The following TRAF2 variants were observed in gnomAD, a reference collection of about 807,000 sequenced individuals.
The protein encoded by TRAF2 is TNF receptor-associated factor 2.
In TRAF2, 6 loss-of-function variants were observed where a neutral mutation model predicts 55.6. That is an observed-to-expected ratio of 0.11 (90% confidence interval 0.06 to 0.21). TRAF2 has a LOEUF of 0.21. Ranked by LOEUF, TRAF2 falls within the 10% of genes least tolerant of loss-of-function variation. The probability of loss-of-function intolerance (pLI) is 1.00; values close to 1 mark genes in which losing one functional copy is unlikely to be tolerated. For synonymous variants in TRAF2, 329 were observed against 276.3 expected (o/e 1.19, Z -1.89); for missense variants, 561 against 684.5 (o/e 0.82, Z 2.01).
At chr9:136,921,901 A>G (rs1157810434) in intron 9 of TRAF2, among the ~76,000 whole-genome samples, 2 of 152,152 alleles carry the variant, frequency 1.3e-5, no homozygotes, top group Non-Finnish European at 2.9e-5. Context: ...GGCCCCAGCC[A>G]TCATCTCGGC....
intron 4 of TRAF2, chr9:136,900,768 CTG>C (rs968054193): frequency 1.9e-5 from 9 of 474,228 alleles, no homozygotes; most frequent in African/African-American, 1.6e-4. Context: ...TTTACCCTCT[CTG>C]TGCCTCAGGT....
upstream of TRAF2, among the ~76,000 whole-genome samples, chr9:136,884,943 G>A (rs574584546): frequency 6.6e-6 from 1 of 152,348 alleles, no homozygotes; most frequent in Non-Finnish European, 1.5e-5. Flanking sequence ...GCCTTCTTAC[G>A]TTTGAGAGCT....
At chr9:136,894,950 C>T (rs1849650737) in intron 1 of TRAF2, among the ~76,000 whole-genome samples, 1 of 152,172 alleles carries the variant, frequency 6.6e-6, no homozygotes. Flanking sequence ...GAATAGACAG[C>T]GTACTCCAGC....
At position 136,924,073 on chromosome 9, in the gene TRAF2, C is replaced by T; in HGVS notation, c.1287+73C>T. 4 of 1,562,862 alleles carry T rather than the reference C, an allele frequency of 2.6e-6. No homozygotes were observed. In the African/African-American group the frequency reaches 4.0e-5, roughly 16 times the overall value. ...TCTGGGCAGTGCAGCTTCTGTGGTGCAGGGTTGTGCGGGACAAGGTGGCTT... is the reference window on the plus strand; with the variant it reads ...TCTGGGCAGTGCAGCTTCTGTGGTGTAGGGTTGTGCGGGACAAGGTGGCTT... On this transcript the variant is annotated intron_variant, in intron 10 of 10. Coordinates refer to ENST00000247668, the MANE Select transcript of TRAF2 (RefSeq NM_021138.4).
rs758421326 is a variant in TRAF2 at position 136,925,943 on chromosome 9, C to T, written c.*42C>T. 7 of 1,608,824 alleles carry T rather than the reference C, an allele frequency of 4.4e-6. No individual in the cohort carries two copies. In the Admixed American group the frequency reaches 5.0e-5, roughly 12 times the overall value. ...TCTGGGGGTTGGGGGCAGCCAGGCA[C>T]AGCCGGCTCACGGAGGGGCCACCAC... On this transcript the variant is annotated 3_prime_UTR_variant, in exon 11 of 11. Coordinates refer to ENST00000247668, the MANE Select transcript of TRAF2 (RefSeq NM_021138.4).
chr9:136,916,142 TCG>T (rs919788568), intron 6 of TRAF2, among the ~76,000 whole-genome samples: 2 of 152,216 alleles, frequency 1.3e-5, no homozygotes, highest in African/African-American at 4.8e-5. Flanking sequence ...TTGCTTCATG[TCG>T]TGTCTGTGTC....
chr9:136,890,568 G>A (rs1218401656), intron 1 of TRAF2: 4 of 152,190 alleles, frequency 2.6e-5, no homozygotes, highest in African/African-American at 9.7e-5. Flanking sequence ...AGTGGAAGTC[G>A]GATTCCAACA....
intron 8 of TRAF2, 34 bp from the exon 9 acceptor site, chr9:136,921,004 C>T (rs1401525002): frequency 2.5e-6 from 4 of 1,610,122 alleles, no homozygotes; most frequent in Non-Finnish European, 3.4e-6. Flanking sequence ...CGCACCCCTC[C>T]TGTAAGAGGG....
intron 1 of TRAF2, among the ~76,000 whole-genome samples, chr9:136,889,297 T>A (rs1849526045): frequency 6.6e-6 from 1 of 151,884 alleles, no homozygotes; most frequent in South Asian, 2.1e-4. Context: ...TTTTTTCTTT[T>A]TTTGAGACAG....
rs17244068 is a variant in TRAF2 at position 136,913,845 on chromosome 9, C to T, written c.604-2696C>T. Among the ~76,000 whole-genome samples, 1,292 of 152,222 alleles carry T rather than the reference C, an allele frequency of 8.5e-3. 25 individuals carry two copies. Among genetic ancestry groups the T allele is most frequent in the African/African-American group, 0.03 (1,227 of 41,526 alleles). ...TTGCTGGTTTTGCTGGAGCCTTTCT[C>T]GGTGACCATGCTCCCAGGGCTTGGT... On this transcript the variant is annotated intron_variant, in intron 6 of 10. Coordinates refer to ENST00000247668, the MANE Select transcript of TRAF2 (RefSeq NM_021138.4).
chr9:136,924,489 T>C (rs1850472964), intron 10 of TRAF2, among the ~76,000 whole-genome samples: 1 of 151,722 alleles, frequency 6.6e-6, no homozygotes, highest in South Asian at 2.1e-4. Context: ...TTGAGCCCAG[T>C]AGGTTGAGGC....
intron 1 of TRAF2, among the ~76,000 whole-genome samples, chr9:136,890,785 G>A (rs953841220): frequency 4.6e-5 from 7 of 152,238 alleles, no homozygotes; most frequent in African/African-American, 7.2e-5. Context: ...GCTGCCTGCC[G>A]TGTCCTGGCT....
At chr9:136,924,888 A>G (rs551433711) in intron 10 of TRAF2, among the ~76,000 whole-genome samples, 213 of 151,964 alleles carry the variant, frequency 1.4e-3, no homozygotes, top group Middle Eastern at 0.01. Context: ...ACAGGCATGC[A>G]CCACCACGCC....
At chr9:136,920,111 C>A in intron 7 of TRAF2, 123 bp from the exon 8 acceptor site, 1 of 1,241,956 alleles carries the variant, frequency 8.1e-7, no homozygotes, top group Non-Finnish European at 1.1e-6. Context: ...GCCACCCAGG[C>A]ATCCCTATCT....
chr9:136,904,724 A>G (rs1013394252), intron 4 of TRAF2, among the ~76,000 whole-genome samples: 3 of 152,220 alleles, frequency 2.0e-5, no homozygotes, highest in African/African-American at 7.2e-5. Context: ...ACAGTCTTTT[A>G]ATTAAATCTA....
chr9:136,882,834 C>T, upstream of TRAF2: 1 of 746,278 alleles, frequency 1.3e-6, no homozygotes, highest in South Asian at 6.1e-5. Flanking sequence ...GCCTCTCAGT[C>T]AGGCTGGTAT....
At chr9:136,901,440 G>A (rs1849817928) in intron 4 of TRAF2, among the ~76,000 whole-genome samples, 1 of 152,194 alleles carries the variant, frequency 6.6e-6, no homozygotes, top group African/African-American at 2.4e-5. Context: ...TAAAAAGGAA[G>A]GCGATTCGGA....
chr9:136,904,218 T>A (rs1234395359), intron 4 of TRAF2, among the ~76,000 whole-genome samples: 1 of 152,138 alleles, frequency 6.6e-6, no homozygotes, highest in East Asian at 1.9e-4. Flanking sequence ...TACTATTATT[T>A]TTAGAAATAG....
chr9:136,892,541 G>A (rs1245784929), intron 1 of TRAF2, among the ~76,000 whole-genome samples: 1 of 152,124 alleles, frequency 6.6e-6, no homozygotes, highest in Non-Finnish European at 1.5e-5. Flanking sequence ...TGTCCAAAGT[G>A]GATTAGAAGC....
Sources: gnomAD v4.1 joint callset for allele counts (sites outside exome capture counted in the v4.1 genomes callset) on GRCh38, gnomAD v4.1.1 for gene constraint, MANE v1.5 for transcripts, NCBI Gene and HGNC (gene_info 2026-07-23, HGNC 2026-07-21) for gene names.